The following HSD17B12 variants were observed in gnomAD, a reference collection of about 807,000 sequenced individuals.
HSD17B12 encodes the protein very-long-chain 3-oxoacyl-CoA reductase.
In HSD17B12, 32 loss-of-function variants were observed where a neutral mutation model predicts 39.3. The ratio of observed to expected loss-of-function variants is 0.81; its 90% CI spans 0.61 to 1.09. The LOEUF (loss-of-function observed/expected upper bound fraction) is 1.09, where lower values mean the gene tolerates loss of function less well. Ranked by LOEUF, HSD17B12 falls within the 50% of genes least tolerant of loss-of-function variation. HSD17B12 has a pLI of 0.00. For missense variants in HSD17B12, 342 were observed against 382.9 expected (o/e 0.89, Z 0.89); for synonymous variants, 150 against 146.7 (o/e 1.02, Z -0.16).
chr11:43,732,953 G>A (rs1459804430), intron 1 of HSD17B12, among the ~76,000 whole-genome samples: 1 of 152,186 alleles, frequency 6.6e-6, no homozygotes, highest in Non-Finnish European at 1.5e-5. Context: ...TGTTTAAAAA[G>A]TGGCTGATGG....
At position 43,855,411 on chromosome 11, in the gene HSD17B12, T is replaced by C. The variant is rs1418731319; in HGVS notation, c.*163T>C. The C allele has an allele frequency of 2.2e-6, 1 of 452,686 alleles. No individual in the cohort carries two copies. The highest frequency in any genetic ancestry group is 3.9e-6 in the Non-Finnish European group (1 of 257,308). The allele number at this position is 452,686 out of a possible 1,614,324, so 28.0% of individuals were successfully genotyped here. ...GGAAAATAGAAGTTGCTTTTAGGGG[T>C]TTCTGACATATATTCTGGATACTAT... On this transcript the variant is annotated 3_prime_UTR_variant, in exon 11 of 11. Transcript: ENST00000278353.
the HSD17B12 span, among the ~76,000 whole-genome samples, chr11:43,592,359 G>A: frequency 2.0e-5 from 3 of 151,848 alleles, no homozygotes; most frequent in Non-Finnish European, 2.9e-5. Context: ...ACATTTACTT[G>A]AGAATTAATA....
At chr11:43,630,398 G>A in the HSD17B12 span, among the ~76,000 whole-genome samples, 62 of 152,294 alleles carry the variant, frequency 4.1e-4, no homozygotes, top group South Asian at 0.011. Flanking sequence ...TACTCAAAGC[G>A]GGGATTTGTA....
At chr11:43,814,403 T>C (rs1245710412) in intron 4 of HSD17B12, among the ~76,000 whole-genome samples, 1 of 152,058 alleles carries the variant, frequency 6.6e-6, no homozygotes, top group Non-Finnish European at 1.5e-5. Flanking sequence ...GGCAGATAGA[T>C]AGATCATCTA....
upstream of HSD17B12, among the ~76,000 whole-genome samples, chr11:43,678,539 T>G (rs1207637051): frequency 1.3e-5 from 2 of 152,182 alleles, no homozygotes; most frequent in African/African-American, 4.8e-5. Context: ...ATTGCCTAGG[T>G]TTTCTTCTAG....
At chr11:43,615,396 T>C in the HSD17B12 span, among the ~76,000 whole-genome samples, 3 of 152,308 alleles carry the variant, frequency 2.0e-5, no homozygotes, top group East Asian at 1.9e-4. Context: ...ATGCACAATT[T>C]AGTGTTCAGC....
the HSD17B12 span, among the ~76,000 whole-genome samples, chr11:43,612,891 A>C: frequency 6.6e-6 from 1 of 152,204 alleles, no homozygotes; most frequent in African/African-American, 2.4e-5. Flanking sequence ...GGAGTTGGCC[A>C]TGTCTAGATC....
At chr11:43,603,406 T>G in the HSD17B12 span, among the ~76,000 whole-genome samples, 1 of 152,190 alleles carries the variant, frequency 6.6e-6, no homozygotes, top group African/African-American at 2.4e-5. Flanking sequence ...TTGTTTTTTG[T>G]GTATGGTTTC....
intron 1 of HSD17B12, among the ~76,000 whole-genome samples, chr11:43,741,945 AG>A (rs1183900211): frequency 6.7e-6 from 1 of 149,806 alleles, no homozygotes; most frequent in Non-Finnish European, 1.5e-5. Flanking sequence ...CACGTTAGCC[AG>A]GATGGTCTTG....
chr11:43,795,402 G>A lies in HSD17B12; in HGVS notation c.284-2918G>A, dbSNP rs910424363. On this transcript the variant is annotated intron_variant, in intron 3 of 10. Coordinates refer to ENST00000278353, the MANE Select transcript of HSD17B12 (RefSeq NM_016142.3). ...AATTGCCTTGGCCCAGAAAGAGACAGTTCCTGTCCTATTCTTATATATGCA... is the reference window on the plus strand; with the variant it reads ...AATTGCCTTGGCCCAGAAAGAGACAATTCCTGTCCTATTCTTATATATGCA... 5.9e-5 allele frequency among the ~76,000 whole-genome samples: 9 copies of A among 152,148 alleles called. No individual in the cohort carries two copies. The East Asian group carries it at 1.7e-3, about 29-fold the overall frequency.
intron 1 of HSD17B12, among the ~76,000 whole-genome samples, chr11:43,695,757 G>T (rs890532161): frequency 2.0e-5 from 3 of 152,070 alleles, no homozygotes; most frequent in Non-Finnish European, 2.9e-5. Flanking sequence ...AAGAAATTTA[G>T]ATTTTAGTTG....
the HSD17B12 span, among the ~76,000 whole-genome samples, chr11:43,637,616 T>C: frequency 6.6e-6 from 1 of 152,142 alleles, no homozygotes; most frequent in Non-Finnish European, 1.5e-5. Context: ...ATGGTCTTAA[T>C]GGAAAGGATG....
intron 3 of HSD17B12, among the ~76,000 whole-genome samples, chr11:43,779,519 G>C (rs548794169): frequency 1.3e-5 from 2 of 152,160 alleles, no homozygotes; most frequent in African/African-American, 4.8e-5. Context: ...AGATTCATCT[G>C]TCTTCCTCTG....
chr11:43,712,287 C>T (rs374838908), intron 1 of HSD17B12, among the ~76,000 whole-genome samples: 12 of 152,088 alleles, frequency 7.9e-5, no homozygotes, highest in African/African-American at 2.9e-4. Flanking sequence ...ATTAGCTGGG[C>T]ATGGTGGCAT....
At chr11:43,718,635 C>G (rs1241546535) in intron 1 of HSD17B12, 1 of 655,662 alleles carries the variant, frequency 1.5e-6, no homozygotes, top group Non-Finnish European at 2.7e-6. Flanking sequence ...AGTCTCTTAC[C>G]CCATGTATCA....
intron 8 of HSD17B12, among the ~76,000 whole-genome samples, chr11:43,839,369 T>A (rs1015091953): frequency 1.3e-5 from 2 of 152,150 alleles, no homozygotes; most frequent in Non-Finnish European, 2.9e-5. Context: ...TCTGTTCTAC[T>A]CCATGGCTAC....
At chr11:43,748,809 T>C (rs555374093) in intron 1 of HSD17B12, among the ~76,000 whole-genome samples, 2 of 152,276 alleles carry the variant, frequency 1.3e-5, no homozygotes, top group Non-Finnish European at 2.9e-5. Context: ...ACCAGTTTAT[T>C]TTGAAAACTG....
chr11:43,789,415 G>A (rs181105708), intron 3 of HSD17B12, among the ~76,000 whole-genome samples: 4 of 152,298 alleles, frequency 2.6e-5, no homozygotes, highest in Non-Finnish European at 5.9e-5. Flanking sequence ...GTAAACAGTA[G>A]TAAAGAGCAA....
the HSD17B12 span, among the ~76,000 whole-genome samples, chr11:43,627,147 T>C: frequency 1.1e-4 from 16 of 152,102 alleles, no homozygotes; most frequent in Non-Finnish European, 2.4e-4. Flanking sequence ...AGTAATAATA[T>C]ACAAGTATGA....
Sources: allele counts gnomAD v4.1 joint callset (sites outside exome capture counted in the v4.1 genomes callset), GRCh38; gene constraint gnomAD v4.1.1; transcripts MANE v1.5; gene names NCBI Gene and HGNC (gene_info 2026-07-23, HGNC 2026-07-21).